GPNMB: variants seen among roughly 807,000 people sequenced by gnomAD.
GPNMB encodes glycoprotein nmb.
Under a neutral mutation model 57.3 loss-of-function variants are expected in GPNMB, and 71 were observed. The ratio of observed to expected loss-of-function variants is 1.24; its 90% CI spans 1.02 to 1.51. The LOEUF is 1.51. GPNMB is among the 40% of genes most tolerant of loss of function. The pLI is 0.00. For synonymous variants in GPNMB, 253 were observed against 263.2 expected (o/e 0.96, Z 0.38); for missense variants, 677 against 691.9 (o/e 0.98, Z 0.24).
chr7:23,256,806 C>A, intron 3 of GPNMB, 86 bp from the exon 4 acceptor site: 1 of 1,094,206 alleles, frequency 9.1e-7, no homozygotes, highest in Non-Finnish European at 1.4e-6. Flanking sequence ...GAAAAAAATA[C>A]GAAAAAGTGT....
In GPNMB at chr7:23,267,951, A is replaced by T; in HGVS notation, c.1183A>T (p.Ser395Cys). The T allele has an allele frequency of 6.2e-7, 1 of 1,613,716 alleles. No homozygotes were observed. Among genetic ancestry groups the T allele is most frequent in the Non-Finnish European group, 8.5e-7 (1 of 1,179,620 alleles). Residue 395 changes from serine (S) to cysteine (C), a missense_variant, in exon 8 of 11, where the codon AGC becomes TGC. Coordinates refer to ENST00000258733, the MANE Select transcript of GPNMB (RefSeq NM_002510.3). ...DVLMPVPWPE[S>C]SLIDFVVTCQ... ...CCTGATGCCGGTGCCATGGCCTGAA[A>T]GCTCCCTAATAGACTTTGTCGTGAC...
intron 10 of GPNMB, 160 bp downstream of exon 10, chr7:23,273,774 T>C: frequency 1.7e-6 from 1 of 600,162 alleles, no homozygotes. Flanking sequence ...GGCCTGTTAA[T>C]CTTGTTGTGG....
At chr7:23,260,298 A>C (rs534464934) in intron 5 of GPNMB, among the ~76,000 whole-genome samples, 158 bp from the exon 6 acceptor site, 2 of 152,220 alleles carry the variant, frequency 1.3e-5, no homozygotes, top group East Asian at 3.8e-4. Flanking sequence ...GTTTTCCAGA[A>C]TAGCTTAGGG....
intron 6 of GPNMB, among the ~76,000 whole-genome samples, chr7:23,263,310 C>A (rs1446791212): frequency 6.6e-6 from 1 of 152,028 alleles, no homozygotes; most frequent in Non-Finnish European, 1.5e-5. Flanking sequence ...CTAGGTGACA[C>A]CATAAGATAT....
At chr7:23,271,613 T>C (rs548029148) in intron 9 of GPNMB, among the ~76,000 whole-genome samples, 24 of 152,108 alleles carry the variant, frequency 1.6e-4, no homozygotes, top group African/African-American at 5.1e-4. Context: ...CTGGCCAACA[T>C]AGTGAAACCC....
At chr7:23,253,560 G>A (rs548504911) in intron 2 of GPNMB, 101 bp downstream of exon 2, 10 of 967,382 alleles carry the variant, frequency 1.0e-5, no homozygotes, top group African/African-American at 3.3e-5. Flanking sequence ...TCATTTCCAC[G>A]AATGACAGTG....
chr7:23,259,900 G>A (rs1178155860), intron 4 of GPNMB, 80 bp from the exon 5 acceptor site: 1 of 1,325,872 alleles, frequency 7.5e-7, no homozygotes, highest in East Asian at 2.3e-5. Flanking sequence ...TATAAATGGT[G>A]GTAGCTAGTC....
rs960157787 is a variant in GPNMB, at chr7:23,271,477, A to AAAAC, written c.1429+1322_1429+1325dup. Reference sequence around the variant, plus strand: ...TCTTAAACATGTATTTCCAGCTACAAAAACAAACAAACAAACAAACAAAAA... The same window carrying AAAAC: ...TCTTAAACATGTATTTCCAGCTACAAAAACAAACAAACAAACAAACAAACAAAAA... On this transcript the variant is annotated intron_variant, in intron 9 of 10. Coordinates refer to ENST00000258733, the MANE Select transcript of GPNMB (RefSeq NM_002510.3). Among the ~76,000 whole-genome samples the AAAAC allele has an allele frequency of 1.3e-4, 20 of 152,296 alleles. No homozygotes were observed. The East Asian group carries it at 1.5e-3, about 12-fold the overall frequency.
chr7:23,271,536 C>T lies in GPNMB; in HGVS notation c.1429+1361C>T, dbSNP rs371652257. Among the ~76,000 whole-genome samples the T allele has an allele frequency of 2.2e-4, 33 of 152,368 alleles. No individual in the cohort carries two copies. In the East Asian group the frequency reaches 3.9e-3, roughly 18 times the overall value. On this transcript the variant is annotated intron_variant, in intron 9 of 10. Coordinates refer to ENST00000258733, the MANE Select transcript of GPNMB (RefSeq NM_002510.3). ...TCCAGCTGGGCGCGGTGGCTCACGC[C>T]TGTAATCCCAGCACTTTGGGAGGCC...
In GPNMB at chr7:23,253,365, A is replaced by G. The variant is rs374315358; in HGVS notation, c.129A>G (p.Gln43=). 7 of 1,613,692 alleles carry G rather than the reference A, an allele frequency of 4.3e-6. No homozygotes were observed. The highest frequency in any genetic ancestry group is 1.1e-5 in the South Asian group (1 of 91,082). The change falls in exon 2 of 11, where the codon CAA becomes CAG. Residue 43 remains glutamine, a synonymous_variant. Coordinates refer to ENST00000258733, the MANE Select transcript of GPNMB (RefSeq NM_002510.3). ...CTGCTTACATGAGGGAGCACAATCA[A>G]TTAAATGGCTGGTCTTCTGATGAAA... ...RPSAYMREHN[Q]LNGWSSDEND...
chr7:23,248,937 C>T (rs185034708), intron 1 of GPNMB, among the ~76,000 whole-genome samples: 1 of 152,230 alleles, frequency 6.6e-6, no homozygotes, highest in Non-Finnish European at 1.5e-5. Context: ...GCACGTGCCA[C>T]CACACCCAGA....
intron 9 of GPNMB, among the ~76,000 whole-genome samples, chr7:23,270,559 T>A (rs1783179269): frequency 6.6e-6 from 1 of 152,158 alleles, no homozygotes; most frequent in South Asian, 2.1e-4. Flanking sequence ...GAGGCTGATA[T>A]CACATTTTCA....
intron 1 of GPNMB, among the ~76,000 whole-genome samples, chr7:23,248,423 G>A (rs1198256500): frequency 5.9e-5 from 9 of 152,188 alleles, no homozygotes; most frequent in Admixed American, 5.9e-4. Context: ...GGAGTCCTCA[G>A]CCTCTTGGGC....
At chr7:23,250,802 C>A (rs1004932704) in intron 1 of GPNMB, 1 of 152,156 alleles carries the variant, frequency 6.6e-6, no homozygotes, top group African/African-American at 2.4e-5. Context: ...GTGGAAAGAA[C>A]TTGTCCTTGT....
At chr7:23,266,468 T>C in intron 6 of GPNMB, 49 bp from the exon 7 acceptor site, 1 of 1,592,216 alleles carries the variant, frequency 6.3e-7, no homozygotes. Flanking sequence ...ACATGTATCT[T>C]TTATGTTCGT....
intron 6 of GPNMB, among the ~76,000 whole-genome samples, chr7:23,264,704 C>G (rs1402164166): frequency 6.6e-6 from 1 of 152,096 alleles, no homozygotes; most frequent in Non-Finnish European, 1.5e-5. Context: ...AGCATTCTAT[C>G]TAAGGTAGAA....
chr7:23,272,463 GAGAGAGAGAGAA>G (rs1244308515), intron 9 of GPNMB, among the ~76,000 whole-genome samples: 1 of 152,048 alleles, frequency 6.6e-6, no homozygotes, highest in South Asian at 2.1e-4. Flanking sequence ...GTCTGAAAGA[GAGAGAGAGAGAA>G]AGAGAGAGAA....
At chr7:23,266,891 C>T (rs1486805706) in intron 7 of GPNMB, among the ~76,000 whole-genome samples, 1 of 152,212 alleles carries the variant, frequency 6.6e-6, no homozygotes, top group African/African-American at 2.4e-5. Flanking sequence ...CTCTGCAGCC[C>T]AGCCATCTGA....
In GPNMB at chr7:23,260,755, A is replaced by AAACC; in HGVS notation, c.1001_1004dup (p.Pro337HisfsTer9). On this transcript the variant is annotated frameshift_variant, in exon 6 of 11. Coordinates refer to ENST00000258733, the MANE Select transcript of GPNMB (RefSeq NM_002510.3). LOFTEE classifies it high-confidence loss of function. ...ACCGCCACCACCACCCAGACCTTCA[A>AAACC]AACCCACCCCTTCTTTAGGTAAGGT... is the stretch of plus-strand genomic sequence containing the variant. 1 of 1,552,732 alleles carries AAACC rather than the reference A, an allele frequency of 6.4e-7. No individual in the cohort carries two copies. The highest frequency in any genetic ancestry group is 1.2e-5 in the South Asian group (1 of 81,320).
Sources: gnomAD v4.1 joint callset for allele counts (sites outside exome capture counted in the v4.1 genomes callset) on GRCh38, gnomAD v4.1.1 for gene constraint, MANE v1.5 for transcripts, NCBI Gene and HGNC (gene_info 2026-07-23, HGNC 2026-07-21) for gene names.